Variants in LY6D observed in about 807,000 individuals in gnomAD.
LY6D encodes lymphocyte antigen 6 family member D.
LY6D carries 7 observed loss-of-function variants against 5.6 expected under a neutral mutation model. That is an observed-to-expected ratio of 1.24 (90% CI 0.71 to 2.34). The LOEUF (loss-of-function observed/expected upper bound fraction) is 2.34. LY6D is among the 30% of genes most tolerant of loss of function. The probability of loss-of-function intolerance (pLI) is 0.00; values close to 1 mark genes in which losing one functional copy is unlikely to be tolerated. For missense variants in LY6D, 148 were observed against 164.8 expected, an observed-to-expected ratio of 0.90 and a Z score of 0.56; for synonymous variants, 81 against 75.0, an observed-to-expected ratio of 1.08 and a Z score of -0.41.
Position 142,785,692 on chromosome 8 carries a change from C to T in LY6D, c.53-5G>A, listed in dbSNP as rs376235496. On this transcript the variant is annotated splice_region_variant and splice_polypyrimidine_tract_variant and intron_variant, in intron 1 of 2. Coordinates refer to ENST00000301263, the MANE Select transcript of LY6D (RefSeq NM_003695.3). ...CGTGGCAGCGCAGGGTAAGGGCTGG[C>T]GGGGAGGGAGTCCGGCTCAGCGGGC... The T allele has an allele frequency of 1.7e-4, 269 of 1,612,988 alleles. 1 individual carries two copies. The highest frequency in any genetic ancestry group is 2.2e-4 in the Non-Finnish European group (262 of 1,179,880).
chr8:142,785,592 T>A lies in LY6D; in HGVS notation c.148A>T (p.Thr50Ser), dbSNP rs1586520558. The A allele has an allele frequency of 5.0e-6, 8 of 1,613,516 alleles. No individual in the cohort carries two copies. The East Asian group carries it at 1.8e-4, about 36-fold the overall frequency. ...CACCTGGACAGATGCTACCCACCTG[T>A]GTTCGTGGTCTTGCAGAAGCGAGAG... ...ASSRFCKTTN[T>S]VEPLRGNLVK... The change falls in exon 2 of 3, where the codon ACA (threonine) becomes TCA (serine). Residue 50 changes from threonine (T) to serine (S), a missense_variant. Coordinates refer to ENST00000301263, the MANE Select transcript of LY6D (RefSeq NM_003695.3).
At position 142,786,360 on chromosome 8, in the gene LY6D, C is replaced by T. The variant is rs80120341; in HGVS notation, c.52+105G>A. 3.0e-3 allele frequency: 4,254 copies of T among 1,438,732 alleles called. 86 individuals carry two copies. In the East Asian group the frequency reaches 0.046, roughly 16 times the overall value. The allele number at this position is 1,438,732 out of a possible 1,614,324, so 89.1% of individuals were successfully genotyped here. On this transcript the variant is annotated intron_variant, in intron 1 of 2. Transcript: ENST00000301263. ...TTGAAGAGTCTAGCACCCACAGTGT[C>T]GGGGTTCTCTGTGCCTAGATGTCGT...
chr8:142,786,190 T>A (rs1421602617), intron 1 of LY6D: 1 of 1,288,042 alleles, frequency 7.8e-7, no homozygotes, highest in South Asian at 2.4e-5. Context: ...AGATGGCCGC[T>A]CTCCCAGTGA....
intron 1 of LY6D, chr8:142,785,908 G>T: frequency 7.1e-7 from 1 of 1,411,206 alleles, no homozygotes. Flanking sequence ...GAGGTGTCCT[G>T]CCCTGCCCCT....
At chr8:142,786,195 C>A (rs1173500246) in intron 1 of LY6D, 7 of 1,298,704 alleles carry the variant, frequency 5.4e-6, no homozygotes, top group Non-Finnish European at 5.9e-6. Context: ...GCCGCTCTCC[C>A]AGTGAGAAGC....
At position 142,785,050 on chromosome 8, in the gene LY6D, G is replaced by A; in HGVS notation, c.*171C>T. 1.7e-6 allele frequency: 1 copy of A among 604,546 alleles called. No homozygotes were observed. Among genetic ancestry groups the A allele is most frequent in the Non-Finnish European group, 2.9e-6 (1 of 342,710 alleles). 37.4% of individuals were successfully genotyped at this position (604,546 alleles called of 1,614,324 possible). Reference sequence around the variant, plus strand: ...GGCTTCATCCTCTGTGGGGTCTGTGGGGCCTGCTCCAAGTCATCAGCATTC... The same window carrying A: ...GGCTTCATCCTCTGTGGGGTCTGTGAGGCCTGCTCCAAGTCATCAGCATTC... On this transcript the variant is annotated 3_prime_UTR_variant, in exon 3 of 3. Coordinates refer to ENST00000301263, the MANE Select transcript of LY6D (RefSeq NM_003695.3).
chr8:142,785,428 C>G lies in LY6D; in HGVS notation c.180G>C (p.Lys60Asn). Reference protein sequence around the residue: ...TVEPLRGNLVKKDCAESCTPS... With the variant: ...TVEPLRGNLVNKDCAESCTPS... ...GTGTGCACGACTCCGCACAGTCCTT[C>G]TTCACCAGATTCCCCCTCAGAGGCT... The change falls in exon 3 of 3, where the codon AAG becomes AAC. Residue 60 changes from lysine to asparagine, a missense_variant. By Grantham distance (94) the Lys-to-Asn change is moderately conservative. Coordinates refer to ENST00000301263, the MANE Select transcript of LY6D (RefSeq NM_003695.3). The G allele has an allele frequency of 6.2e-7, 1 of 1,613,134 alleles. No homozygotes were observed. Among genetic ancestry groups the G allele is most frequent in the Non-Finnish European group, 8.5e-7 (1 of 1,179,704 alleles).
chr8:142,785,383 G>C lies in LY6D; in HGVS notation c.225C>G (p.Gly75=). Residue 75 remains glycine (G), a synonymous_variant, in exon 3 of 3, where the codon GGC becomes GGG. Transcript: ENST00000301263. ...ESCTPSYTLQ[G]QVSSGTSSTQ... is the part of the protein sequence containing the mutation. ...TGGAGCTGGTGCCGCTGCTGACCTG[G>C]CCTTGCAGGGTGTAGCTGGGTGTGC... 6.2e-7 allele frequency: 1 copy of C among 1,613,642 alleles called. No homozygotes were observed. The highest frequency in any genetic ancestry group is 8.5e-7 in the Non-Finnish European group (1 of 1,179,978).
chr8:142,786,454 CAGCCCCTCACCTGGCCCTGT>C lies in LY6D; in HGVS notation c.43_52+10del, dbSNP rs1815657536. ...CGCCCACCCGCCCGTCCCCTTGGCC[CAGCCCCTCACCTGGCCCTGT>C]AGCCACAGCCAGGGCTGCAAGGAGC... On this transcript the variant is annotated splice_donor_variant and splice_donor_5th_base_variant and coding_sequence_variant and intron_variant, in exon 1 of 3. Coordinates refer to ENST00000301263, the MANE Select transcript of LY6D (RefSeq NM_003695.3). LOFTEE classifies it high-confidence loss of function. The C allele has an allele frequency of 1.2e-5, 19 of 1,545,044 alleles. No homozygotes were observed. The highest frequency in any genetic ancestry group is 1.7e-5 in the Non-Finnish European group (19 of 1,143,922).
In LY6D at chr8:142,786,485, A is replaced by C; in HGVS notation, c.32T>G (p.Leu11Arg). 4 of 1,454,810 alleles carry C rather than the reference A, an allele frequency of 2.7e-6. No homozygotes were observed. The South Asian group carries it at 4.9e-5, about 18-fold the overall frequency. 90.1% of individuals were successfully genotyped at this position (1,454,810 alleles called of 1,614,324 possible). Residue 11 changes from leucine to arginine, a missense_variant, in exon 1 of 3, where the codon CTG (leucine) becomes CGG (arginine). Coordinates refer to ENST00000301263, the MANE Select transcript of LY6D (RefSeq NM_003695.3). MRTALLLLAA[L>R]AVATGPALTL... Reference sequence around the variant, plus strand: ...CTCACCTGGCCCTGTAGCCACAGCCAGGGCTGCAAGGAGCAGCAATGCTGT... The same window carrying C: ...CTCACCTGGCCCTGTAGCCACAGCCCGGGCTGCAAGGAGCAGCAATGCTGT...
rs1278648427 is a variant in LY6D at position 142,785,343 on chromosome 8, C to G, written c.265G>C (p.Glu89Gln). The G allele has an allele frequency of 6.2e-7, 1 of 1,613,672 alleles. No individual in the cohort carries two copies. The highest frequency in any genetic ancestry group is 8.5e-7 in the Non-Finnish European group (1 of 1,179,964). ...SGTSSTQCCQ[E>Q]DLCNEKLHNA... ...TGCAGCTTCTCATTGCACAGGTCCT[C>G]CTGGCAGCACTGGGTGGAGCTGGTG... The change falls in exon 3 of 3, where the codon GAG becomes CAG. Residue 89 changes from glutamate to glutamine, a missense_variant. Glu to Gln is a conservative substitution (Grantham distance 29). Coordinates refer to ENST00000301263, the MANE Select transcript of LY6D (RefSeq NM_003695.3).
In LY6D at chr8:142,785,263, C is replaced by T; in HGVS notation, c.345G>A (p.Leu115=). 1 of 1,611,852 alleles carries T rather than the reference C, an allele frequency of 6.2e-7. No individual in the cohort carries two copies. Among genetic ancestry groups the T allele is most frequent in the African/African-American group, 1.3e-5 (1 of 75,014 alleles). The change falls in exon 3 of 3, where the codon CTG becomes CTA. Residue 115 remains leucine, a synonymous_variant. Transcript: ENST00000301263. ...AGATGACGGCCAGGAGGCTCAGGGC[C>T]AGCCCCAGGCTGAGGGCACTGTGGG... ...ALAHSALSLG[L]ALSLLAVILA...
At chr8:142,785,917 CT>C (rs1815647009) in intron 1 of LY6D, 1 of 1,401,626 alleles carries the variant, frequency 7.1e-7, no homozygotes, top group Non-Finnish European at 9.3e-7. Context: ...TGCCCTGCCC[CT>C]GTCTAGGGTG....
intron 1 of LY6D, 79 bp downstream of exon 1, chr8:142,786,386 C>G: frequency 6.8e-7 from 1 of 1,470,868 alleles, no homozygotes; most frequent in South Asian, 1.4e-5. Flanking sequence ...TAGATGTCGT[C>G]AGCTCCAGGC....
chr8:142,786,356 G>T, intron 1 of LY6D, 109 bp downstream of exon 1: 3 of 1,435,856 alleles, frequency 2.1e-6, no homozygotes, highest in Non-Finnish European at 2.7e-6. Context: ...AGCACCCACA[G>T]TGTCGGGGTT....
Position 142,785,387 on chromosome 8 carries a change from T to G in LY6D, c.221A>C (p.Gln74Pro), listed in dbSNP as rs559745819. ...GCTGGTGCCGCTGCTGACCTGGCCT[T>G]GCAGGGTGTAGCTGGGTGTGCACGA... ...AESCTPSYTL[Q>P]GQVSSGTSST... is the part of the protein sequence containing the mutation. Residue 74 changes from glutamine (Q) to proline (P), a missense_variant, in exon 3 of 3, where the codon CAA becomes CCA. Physicochemically the swap from Gln to Pro is moderately conservative, Grantham distance 76. Transcript: ENST00000301263. The G allele has an allele frequency of 7.7e-5, 125 of 1,613,602 alleles. 2 individuals carry two copies. The South Asian group carries it at 1.4e-3, about 17-fold the overall frequency.
In LY6D at chr8:142,785,378, A is replaced by G. The variant is rs764720441; in HGVS notation, c.230T>C (p.Val77Ala). ...CTGGGTGGAGCTGGTGCCGCTGCTG[A>G]CCTGGCCTTGCAGGGTGTAGCTGGG... is the stretch of plus-strand genomic sequence containing the variant. ...CTPSYTLQGQ[V>A]SSGTSSTQCC... Residue 77 changes from valine (V) to alanine (A), a missense_variant, in exon 3 of 3, where the codon GTC becomes GCC. By Grantham distance (64) the Val-to-Ala change is moderately conservative. Transcript: ENST00000301263. The G allele has an allele frequency of 3.1e-6, 5 of 1,613,482 alleles. No individual in the cohort carries two copies. In the South Asian group the frequency reaches 3.3e-5, roughly 11 times the overall value.
intron 1 of LY6D, 82 bp downstream of exon 1, chr8:142,786,383 C>T (rs370501169): frequency 2.0e-6 from 3 of 1,467,120 alleles, no homozygotes; most frequent in Admixed American, 2.5e-5. Flanking sequence ...GCCTAGATGT[C>T]GTCAGCTCCA....
At chr8:142,786,360 C>A (rs80120341) in intron 1 of LY6D, 105 bp downstream of exon 1, 1 of 1,438,778 alleles carries the variant, frequency 7.0e-7, no homozygotes. Context: ...CCCACAGTGT[C>A]GGGGTTCTCT....
Sources: allele counts gnomAD v4.1 joint callset, GRCh38; gene constraint gnomAD v4.1.1; transcripts MANE v1.5; gene names NCBI Gene and HGNC (gene_info 2026-07-23, HGNC 2026-07-21).